The following ANKRD6 variants were observed in gnomAD, a reference collection of about 807,000 sequenced individuals.
ANKRD6 encodes the protein ankyrin repeat domain-containing protein 6.
A neutral mutation model predicts 82.3 loss-of-function variants in ANKRD6; 56 were observed. The ratio of observed to expected loss-of-function variants is 0.68; its 90% CI spans 0.55 to 0.85. ANKRD6 has a LOEUF of 0.85. Ranked by LOEUF, ANKRD6 falls within the 40% of genes least tolerant of loss-of-function variation. The probability of loss-of-function intolerance (pLI) is 0.00; values close to 1 mark genes in which losing one functional copy is unlikely to be tolerated. For synonymous variants in ANKRD6, 347 were observed against 352.1 expected (o/e 0.99, Z 0.16); for missense variants, 852 against 907.6 (o/e 0.94, Z 0.79).
intron 1 of ANKRD6, among the ~76,000 whole-genome samples, chr6:89,497,447 T>A (rs1778755747): frequency 6.6e-6 from 1 of 152,174 alleles, no homozygotes; most frequent in African/African-American, 2.4e-5. Flanking sequence ...CTGTTTCCTT[T>A]TTTCTTTTTC....
chr6:89,572,259 C>T (rs1337836693), intron 2 of ANKRD6, among the ~76,000 whole-genome samples: 1 of 152,154 alleles, frequency 6.6e-6, no homozygotes, highest in Admixed American at 6.5e-5. Context: ...TTTGTGTGGA[C>T]ATACACTTTC....
chr6:89,633,096 G>A lies in ANKRD6; in HGVS notation c.*2092G>A, dbSNP rs1176637911. 1 of 152,154 alleles carries A rather than the reference G, an allele frequency of 6.6e-6. No homozygotes were observed. Among genetic ancestry groups the A allele is most frequent in the Non-Finnish European group, 1.5e-5 (1 of 68,034 alleles). The allele number at this position is 152,154 out of a possible 1,614,324, so 9.4% of individuals were successfully genotyped here. ...AAGCAGGCAGCTAATATTGTGAACT[G>A]AGTATTTTTGTCAAAAGTCACAGGG... On this transcript the variant is annotated 3_prime_UTR_variant, in exon 16 of 16. Coordinates refer to ENST00000339746, the MANE Select transcript of ANKRD6 (RefSeq NM_001242809.2).
intron 13 of ANKRD6, among the ~76,000 whole-genome samples, chr6:89,625,905 G>A (rs771655761): frequency 8.6e-5 from 13 of 152,018 alleles, no homozygotes; most frequent in Admixed American, 5.9e-4. Context: ...CCTAATTTTT[G>A]TATTTTTTTG....
chr6:89,503,235 A>C (rs1294387674), intron 1 of ANKRD6, among the ~76,000 whole-genome samples: 1 of 152,226 alleles, frequency 6.6e-6, no homozygotes, highest in African/African-American at 2.4e-5. Context: ...GGATTGAAAG[A>C]GAAAGACGAG....
At chr6:89,614,859 A>G (rs1801162652) in intron 7 of ANKRD6, among the ~76,000 whole-genome samples, 1 of 151,618 alleles carries the variant, frequency 6.6e-6, no homozygotes, top group Admixed American at 6.6e-5. Flanking sequence ...AAACAAAAAA[A>G]AAAACCCACC....
In ANKRD6 at chr6:89,499,594, A is replaced by G. The variant is rs1431332446; in HGVS notation, c.-144+66219A>G. 2.0e-5 allele frequency among the ~76,000 whole-genome samples: 3 copies of G among 152,108 alleles called. No homozygotes were observed. The East Asian group carries it at 5.8e-4, about 29-fold the overall frequency. The stretch of plus-strand genomic sequence containing the variant: ...GGTGCTACTGTTATTTAGCACCTGC[A>G]GGCCAGGGGTGCCAATAGCTTGTAT... On this transcript the variant is annotated intron_variant, in intron 1 of 15. Transcript: ENST00000339746.
At chr6:89,535,836 A>G (rs1783755666) in intron 1 of ANKRD6, among the ~76,000 whole-genome samples, 1 of 152,200 alleles carries the variant, frequency 6.6e-6, no homozygotes, top group Non-Finnish European at 1.5e-5. Context: ...AACACTTACC[A>G]GTTGTGCAAT....
At chr6:89,622,321 A>G (rs909338108) in intron 10 of ANKRD6, among the ~76,000 whole-genome samples, 8 of 152,188 alleles carry the variant, frequency 5.3e-5, no homozygotes, top group Non-Finnish European at 1.2e-4. Context: ...TGCGGGTAGC[A>G]CTGCCTCTCT....
rs749250209 is a variant in ANKRD6 at position 89,567,044 on chromosome 6, C to G, written c.68C>G (p.Thr23Arg). Residue 23 changes from threonine to arginine, a missense_variant, in exon 2 of 16, where the codon ACA (threonine) becomes AGA (arginine). Coordinates refer to ENST00000339746, the MANE Select transcript of ANKRD6 (RefSeq NM_001242809.2). ...CTCGTAGCTGCGTACAAAGGCCAAACAGAGAATGTGGTTCAGCTCATCAAC... is the reference window on the plus strand; with the variant it reads ...CTCGTAGCTGCGTACAAAGGCCAAAGAGAGAATGTGGTTCAGCTCATCAAC... Reference protein sequence around the residue: ...RLLVAAYKGQTENVVQLINKG... With the variant: ...RLLVAAYKGQRENVVQLINKG... The G allele has an allele frequency of 3.1e-6, 5 of 1,607,394 alleles. No homozygotes were observed. In the South Asian group the frequency reaches 4.5e-5, roughly 14 times the overall value.
chr6:89,543,473 G>A lies in ANKRD6; in HGVS notation c.-143-23361G>A, dbSNP rs573631403. Among the ~76,000 whole-genome samples, 7 of 152,264 alleles carry A rather than the reference G, an allele frequency of 4.6e-5. No individual in the cohort carries two copies. In the East Asian group the frequency reaches 1.4e-3, roughly 29 times the overall value. ...GGACTCCATAAGCCCCCACTCTAAC[G>A]AGAGAACCACCATTTTAGATCCTGT... On this transcript the variant is annotated intron_variant, in intron 1 of 15. Coordinates refer to ENST00000339746, the MANE Select transcript of ANKRD6 (RefSeq NM_001242809.2).
At chr6:89,572,736 G>A (rs1296750398) in intron 2 of ANKRD6, among the ~76,000 whole-genome samples, 1 of 151,920 alleles carries the variant, frequency 6.6e-6, no homozygotes, top group Non-Finnish European at 1.5e-5. Context: ...TTTGCATGTG[G>A]GTATCTGGCT....
intron 1 of ANKRD6, among the ~76,000 whole-genome samples, chr6:89,555,411 G>A (rs569100532): frequency 1.1e-4 from 17 of 152,178 alleles, no homozygotes; most frequent in Middle Eastern, 3.4e-3. Context: ...AACCCAGTGG[G>A]TAAAAACTGT....
rs986801892 is a variant in ANKRD6, at chr6:89,604,421, TA to T, written c.318+1298del. Among the ~76,000 whole-genome samples, 100 of 150,624 alleles carry T rather than the reference TA, an allele frequency of 6.6e-4. 1 individual carries two copies. Among genetic ancestry groups the T allele is most frequent in the African/African-American group, 2.4e-3 (98 of 41,142 alleles). On this transcript the variant is annotated intron_variant, in intron 4 of 15. Coordinates refer to ENST00000339746, the MANE Select transcript of ANKRD6 (RefSeq NM_001242809.2). ...ATGTTTTTAAATTTTCAAACAATCT[TA>T]AAACACAAAACTTCACAATTAAGTG...
intron 1 of ANKRD6, among the ~76,000 whole-genome samples, chr6:89,459,103 A>C (rs1310065910): frequency 6.6e-6 from 1 of 151,892 alleles, no homozygotes; most frequent in African/African-American, 2.4e-5. Flanking sequence ...ATTGAGACGG[A>C]GTTTCACTCT....
At chr6:89,476,057 CT>C (rs1775991795) in intron 1 of ANKRD6, among the ~76,000 whole-genome samples, 1 of 152,120 alleles carries the variant, frequency 6.6e-6, no homozygotes, top group African/African-American at 2.4e-5. Flanking sequence ...ATTAAAGAAT[CT>C]TTTAAAATAA....
intron 1 of ANKRD6, among the ~76,000 whole-genome samples, chr6:89,565,091 G>A (rs1282826791): frequency 6.6e-6 from 1 of 152,154 alleles, no homozygotes; most frequent in East Asian, 1.9e-4. Flanking sequence ...GAAAGATAAA[G>A]CCCAGACTGT....
rs939637548 is a variant in ANKRD6 at position 89,433,644 on chromosome 6, G to A, written c.-144+269G>A. Among the ~76,000 whole-genome samples the A allele has an allele frequency of 2.6e-5, 4 of 152,226 alleles. No homozygotes were observed. Among genetic ancestry groups the A allele is most frequent in the African/African-American group, 9.6e-5 (4 of 41,472 alleles). ...GGAATATGGAACTTCGGGCGAGGGA[G>A]GTGGAGAACTTTCTTCTGGGGCTCG... On this transcript the variant is annotated intron_variant, in intron 1 of 15. Transcript: ENST00000339746. The surrounding 1 kb of genome is among the most constrained non-coding windows in gnomAD (Gnocchi z 4.3).
intron 3 of ANKRD6, among the ~76,000 whole-genome samples, chr6:89,599,572 G>A (rs1443030035): frequency 6.6e-6 from 1 of 152,150 alleles, no homozygotes; most frequent in East Asian, 1.9e-4. Flanking sequence ...ATGTTTCAAT[G>A]GTAAATTTTA....
chr6:89,449,029 C>CAAAA (rs368751340), intron 1 of ANKRD6, among the ~76,000 whole-genome samples: 3 of 52,348 alleles, frequency 5.7e-5, no homozygotes, highest in Non-Finnish European at 8.5e-5. Flanking sequence ...GACTCCGTCT[C>CAAAA]AAAAAAAAAA....
Sources: allele counts gnomAD v4.1 joint callset (sites outside exome capture counted in the v4.1 genomes callset), GRCh38; gene constraint gnomAD v4.1.1; non-coding constraint Gnocchi (gnomAD v3.1); transcripts MANE v1.5; gene names NCBI Gene and HGNC (gene_info 2026-07-23, HGNC 2026-07-21).